The following GSDMD variants were observed in gnomAD, a reference collection of about 807,000 sequenced individuals.
GSDMD encodes gasdermin D.
GSDMD carries 46 observed loss-of-function variants against 46.7 expected under a neutral mutation model. The observed-to-expected ratio is 0.99, with a 90% CI of 0.78 to 1.26. GSDMD has a LOEUF of 1.26. Among genes scored for constraint, GSDMD ranks in the 50% most tolerant of loss-of-function variants. The probability of loss-of-function intolerance (pLI) is 0.00; values close to 1 mark genes in which losing one functional copy is unlikely to be tolerated. For missense variants in GSDMD, 649 were observed against 638.8 expected (o/e 1.02, Z -0.17); for synonymous variants, 307 against 283.1 (o/e 1.08, Z -0.85).
rs180976682 is a variant in GSDMD, at chr8:143,562,914, G to A, written c.*10G>A. On this transcript the variant is annotated 3_prime_UTR_variant, in exon 11 of 11. Transcript: ENST00000262580. ...CCAGGAGCCCCACTAGCCTGTGCCCGGGCATGGCCTGGCAGCTCTCCAGCA... is the reference window on the plus strand; with the variant it reads ...CCAGGAGCCCCACTAGCCTGTGCCCAGGCATGGCCTGGCAGCTCTCCAGCA... The A allele has an allele frequency of 2.0e-3, 3,153 of 1,611,774 alleles. 3 individuals carry two copies. Among genetic ancestry groups the A allele is most frequent in the Non-Finnish European group, 2.4e-3 (2,798 of 1,179,932 alleles).
At chr8:143,554,189 G>A (rs764865958), upstream of GSDMD, among the ~76,000 whole-genome samples, 8 of 151,616 alleles carry the variant, frequency 5.3e-5, no homozygotes, top group African/African-American at 1.9e-4. Flanking sequence ...GCGTGGCACC[G>A]GCTGCGCACC....
upstream of GSDMD, among the ~76,000 whole-genome samples, chr8:143,554,751 T>G (rs1823271856): frequency 6.9e-6 from 1 of 144,924 alleles, no homozygotes; most frequent in South Asian, 2.2e-4. Context: ...CACACCTGCA[T>G]GCACACGCGC....
Position 143,558,411 on chromosome 8 carries a change from G to A in GSDMD, c.-45G>A. On this transcript the variant is annotated 5_prime_UTR_variant, in exon 1 of 11. Transcript: ENST00000262580. ...CGCCGGACGGCTCCCAGGGAGAGCA[G>A]ACGCGCCAGACGCGCCACCCTCGGG... 1.3e-6 allele frequency: 2 copies of A among 1,508,132 alleles called. No homozygotes were observed. The highest frequency in any genetic ancestry group is 1.8e-6 in the Non-Finnish European group (2 of 1,134,996). The allele number at this position is 1,508,132 out of a possible 1,614,324, so 93.4% of individuals were successfully genotyped here.
chr8:143,560,725 G>A lies in GSDMD; in HGVS notation c.533G>A (p.Arg178Gln), dbSNP rs376248035. Residue 178 changes from arginine to glutamine, a missense_variant, in exon 4 of 11, where the codon CGG becomes CAG. Physicochemically the swap from Arg to Gln is conservative, Grantham distance 43 (BLOSUM62 1). Transcript: ENST00000262580. ...KEVEVTRTHKREGSGRFSLPG... is the reference protein window; with the variant it reads ...KEVEVTRTHKQEGSGRFSLPG... ...GTGGAAGTCACGCGCACCCACAAGCGGGAGGGCTCGGGCCGGTTTTCCCTG... is the reference window on the plus strand; with the variant it reads ...GTGGAAGTCACGCGCACCCACAAGCAGGAGGGCTCGGGCCGGTTTTCCCTG... 63 of 1,568,012 alleles carry A rather than the reference G, an allele frequency of 4.0e-5. No individual in the cohort carries two copies. Among genetic ancestry groups the A allele is most frequent in the Admixed American group, 3.4e-4 (18 of 53,402 alleles).
upstream of GSDMD, among the ~76,000 whole-genome samples, chr8:143,557,372 G>A (rs1483246137): frequency 2.7e-4 from 27 of 101,624 alleles, 1 homozygote; most frequent in Admixed American, 4.5e-4. Flanking sequence ...GGATGCTGCC[G>A]CTATGGCGAA....
chr8:143,562,136 G>A lies in GSDMD; in HGVS notation c.996+5G>A, dbSNP rs1300182980. 2.5e-6 allele frequency: 4 copies of A among 1,598,202 alleles called. No homozygotes were observed. Among genetic ancestry groups the A allele is most frequent in the Non-Finnish European group, 3.4e-6 (4 of 1,179,278 alleles). On this transcript the variant is annotated splice_donor_5th_base_variant and intron_variant, in intron 8 of 10. Coordinates refer to ENST00000262580, the MANE Select transcript of GSDMD (RefSeq NM_024736.7). ...CTGCGAGCCTTGGAGGAGGCGGTGA[G>A]CGGGGGAGGGTGCCCGGGGCACACA...
chr8:143,554,764 A>C (rs1048872169), upstream of GSDMD, among the ~76,000 whole-genome samples: 2 of 142,278 alleles, frequency 1.4e-5, no homozygotes, highest in Admixed American at 7.0e-5. Flanking sequence ...ACACGCGCAC[A>C]ACAGCCACAC....
Position 143,562,708 on chromosome 8 carries a change from C to G in GSDMD, c.1259C>G (p.Thr420Ser), listed in dbSNP as rs1467564168. ...EQSAPWQERSTMSLPPGLLGN... is the reference protein window; with the variant it reads ...EQSAPWQERSSMSLPPGLLGN... The stretch of plus-strand genomic sequence containing the variant: ...AGTGCCCCGTGGCAGGAGCGCAGCA[C>G]CATGTCCCTGCCCCCCGGGCTCCTG... Residue 420 changes from threonine to serine, a missense_variant, in exon 11 of 11, where the codon ACC becomes AGC. Coordinates refer to ENST00000262580, the MANE Select transcript of GSDMD (RefSeq NM_024736.7). The G allele has an allele frequency of 1.8e-5, 29 of 1,599,344 alleles. No individual in the cohort carries two copies. In the East Asian group the frequency reaches 6.3e-4, roughly 35 times the overall value.
chr8:143,559,130 C>T (rs1027348462), intron 1 of GSDMD: 2 of 602,138 alleles, frequency 3.3e-6, no homozygotes, highest in Non-Finnish European at 5.9e-6. Flanking sequence ...CCGTAGACAA[C>T]AGGGAGAACA....
Position 143,561,846 on chromosome 8 carries a change from C to A in GSDMD, c.823+18C>A. 1.2e-6 allele frequency: 2 copies of A among 1,610,252 alleles called. No homozygotes were observed. The highest frequency in any genetic ancestry group is 1.7e-6 in the Non-Finnish European group (2 of 1,178,166). ...CCTGACAGGTCAGTGCCCTCCTGAC[C>A]GCCCCGGGGACCTTTGGTGGGCTCT... On this transcript the variant is annotated intron_variant, in intron 7 of 10. Transcript: ENST00000262580.
At position 143,561,172 on chromosome 8, in the gene GSDMD, T is replaced by C. The variant is rs965452356; in HGVS notation, c.682+68T>C. The C allele has an allele frequency of 3.2e-5, 47 of 1,468,540 alleles. No individual in the cohort carries two copies. In the Admixed American group the frequency reaches 8.4e-4, roughly 26 times the overall value. 91.0% of individuals were successfully genotyped at this position (1,468,540 alleles called of 1,614,324 possible). On this transcript the variant is annotated intron_variant, in intron 5 of 10. Transcript: ENST00000262580. ...AGAAACAGGGAGGCCTGGGGAGAGC[T>C]ACCCGCCAGCTTGGGCTGCCGTGGG...
At chr8:143,559,301 G>A (rs1313713973) in intron 1 of GSDMD, 31 bp from the exon 2 acceptor site, 6 of 631,632 alleles carry the variant, frequency 9.5e-6, no homozygotes, top group Non-Finnish European at 1.1e-5. Flanking sequence ...CGCCCCGAGA[G>A]CACAATGCCT....
At chr8:143,559,296 C>CCCCA in intron 1 of GSDMD, 36 bp from the exon 2 acceptor site, 1 of 1,052,406 alleles carries the variant, frequency 9.5e-7, no homozygotes, top group Non-Finnish European at 1.4e-6. Flanking sequence ...CCGCCCGCCC[C>CCCCA]GAGAGCACAA....
Position 143,562,758 on chromosome 8 carries a change from C to A in GSDMD, c.1309C>A (p.Pro437Thr). ...GGGGAACAGCTGGGGCGAAGGAGCA[C>A]CGGCCTGGGTCTTGCTGGACGAGTG... ...LLGNSWGEGAPAWVLLDECGL... is the reference protein window; with the variant it reads ...LLGNSWGEGATAWVLLDECGL... The change falls in exon 11 of 11, where the codon CCG (proline) becomes ACG (threonine). Residue 437 changes from proline (P) to threonine (T), a missense_variant. Coordinates refer to ENST00000262580, the MANE Select transcript of GSDMD (RefSeq NM_024736.7). The A allele has an allele frequency of 5.0e-6, 8 of 1,587,380 alleles. No homozygotes were observed. The highest frequency in any genetic ancestry group is 6.9e-6 in the Non-Finnish European group (8 of 1,167,138).
At chr8:143,555,585 A>G (rs1246452835), upstream of GSDMD, among the ~76,000 whole-genome samples, 1 of 152,088 alleles carries the variant, frequency 6.6e-6, no homozygotes, top group Non-Finnish European at 1.5e-5. Flanking sequence ...CATCTTCACC[A>G]TGGAGGCTGC....
chr8:143,559,284 TCCC>T, intron 1 of GSDMD, 45 bp from the exon 2 acceptor site: 2 of 222,474 alleles, frequency 9.0e-6, no homozygotes, highest in Non-Finnish European at 1.7e-5. Context: ...TCCCACTCCC[TCCC>T]GCCCGCCCCG....
chr8:143,562,981 C>A lies in GSDMD; in HGVS notation c.*77C>A. 1 of 1,582,340 alleles carries A rather than the reference C, an allele frequency of 6.3e-7. No individual in the cohort carries two copies. Among genetic ancestry groups the A allele is most frequent in the Non-Finnish European group, 8.6e-7 (1 of 1,165,582 alleles). On this transcript the variant is annotated 3_prime_UTR_variant, in exon 11 of 11. Transcript: ENST00000262580. ...CACCAGCTGCTAGCCCTAGGAAGGC[C>A]AGGAGCCCAGTAGCCATGTGGCCAG...
chr8:143,561,272 G>A, intron 5 of GSDMD, 98 bp from the exon 6 acceptor site: 1 of 1,280,210 alleles, frequency 7.8e-7, no homozygotes, highest in East Asian at 2.5e-5. Flanking sequence ...GATTGGGCAG[G>A]GCCTGAGCTG....
At chr8:143,560,859 G>GC (rs1563906249) in intron 4 of GSDMD, 88 bp downstream of exon 4, 1 of 1,427,978 alleles carries the variant, frequency 7.0e-7, no homozygotes, top group Admixed American at 2.7e-5. Context: ...CTCCGCCAAG[G>GC]CCCCTCGGAG....
Sources: allele counts gnomAD v4.1 joint callset (sites outside exome capture counted in the v4.1 genomes callset), GRCh38; gene constraint gnomAD v4.1.1; transcripts MANE v1.5; gene names NCBI Gene and HGNC (gene_info 2026-07-23, HGNC 2026-07-21).